Variants in OAT observed in about 807,000 individuals in gnomAD.
OAT encodes ornithine aminotransferase, mitochondrial.
Under a neutral mutation model 48.4 loss-of-function variants are expected in OAT, and 35 were observed. That is an observed-to-expected ratio of 0.72 (90% confidence interval 0.55 to 0.96). OAT has a LOEUF of 0.96. Ranked by LOEUF, OAT falls within the 40% of genes least tolerant of loss-of-function variation. OAT has a pLI of 0.00. For missense variants in OAT, 438 were observed against 537.9 expected, an observed-to-expected ratio of 0.81 and a Z score of 1.84; for synonymous variants, 182 against 198.4, an observed-to-expected ratio of 0.92 and a Z score of 0.70.
rs1951545948 is a variant in OAT, at chr10:124,405,433, T to A, written c.648+3A>T. The A allele has an allele frequency of 1.9e-6, 3 of 1,613,602 alleles. No individual in the cohort carries two copies. The highest frequency in any genetic ancestry group is 2.2e-5 in the South Asian group (2 of 91,076). On this transcript the variant is annotated splice_donor_region_variant and intron_variant, in intron 5 of 9. Transcript: ENST00000368845. The stretch of plus-strand genomic sequence containing the variant: ...GCTGAGCACTATGATGCTAGTGAAA[T>A]ACCTCCAGTGCGGGCAGATCATTAT...
chr10:124,407,455 T>G, intron 4 of OAT: 1 of 985,398 alleles, frequency 1.0e-6, no homozygotes, highest in Non-Finnish European at 1.2e-6. Context: ...CATTTTTGTT[T>G]GCAAGAGACA....
At chr10:124,408,311 G>GTATATATA (rs1564735776) in intron 4 of OAT, among the ~76,000 whole-genome samples, 2 of 61,606 alleles carry the variant, frequency 3.2e-5, no homozygotes, top group Admixed American at 1.8e-4. Context: ...GTGTGTGTGT[G>GTATATATA]TGTGTGTATA....
chr10:124,417,232 T>A (rs1260138764), intron 1 of OAT, among the ~76,000 whole-genome samples: 1 of 147,444 alleles, frequency 6.8e-6, no homozygotes, highest in African/African-American at 2.5e-5. Context: ...GGGGGGGGGA[T>A]GCAAAACTAA....
At chr10:124,400,614 G>A (rs547780552) in intron 9 of OAT, among the ~76,000 whole-genome samples, 32 of 152,184 alleles carry the variant, frequency 2.1e-4, no homozygotes, top group Admixed American at 9.8e-4. Flanking sequence ...TTAGCTGGGC[G>A]TGGTGACAGG....
chr10:124,412,111 A>G lies in OAT; in HGVS notation c.61T>C (p.Ser21Pro). 1 of 1,614,218 alleles carries G rather than the reference A, an allele frequency of 6.2e-7. No homozygotes were observed. Among genetic ancestry groups the G allele is most frequent in the Non-Finnish European group, 8.5e-7 (1 of 1,180,036 alleles). The change falls in exon 2 of 10, where the codon TCA becomes CCA. Residue 21 changes from serine to proline, a missense_variant. By Grantham distance (74) the Ser-to-Pro change is moderately conservative (BLOSUM62 -1). Transcript: ENST00000368845. ...GCAACAGATGTAGCAGAAGCCACTG[A>G]AGAATGAACTCCGCGACTAAGTACA... Reference protein sequence around the residue: ...FAVLSRGVHSSVASATSVATK... With the variant: ...FAVLSRGVHSPVASATSVATK...
chr10:124,412,107 A>C lies in OAT; in HGVS notation c.65T>G (p.Val22Gly). 1.2e-6 allele frequency: 2 copies of C among 1,614,212 alleles called. No homozygotes were observed. Among genetic ancestry groups the C allele is most frequent in the Non-Finnish European group, 1.7e-6 (2 of 1,180,030 alleles). ...AGTTGCAACAGATGTAGCAGAAGCCACTGAAGAATGAACTCCGCGACTAAG... is the reference window on the plus strand; with the variant it reads ...AGTTGCAACAGATGTAGCAGAAGCCCCTGAAGAATGAACTCCGCGACTAAG... ...AVLSRGVHSS[V>G]ASATSVATKK... Residue 22 changes from valine (V) to glycine (G), a missense_variant, in exon 2 of 10, where the codon GTG becomes GGG. By Grantham distance (109) the Val-to-Gly change is moderately radical. Transcript: ENST00000368845.
At chr10:124,417,413 T>C (rs1177166512) in intron 1 of OAT, among the ~76,000 whole-genome samples, 1 of 149,746 alleles carries the variant, frequency 6.7e-6, no homozygotes, top group Non-Finnish European at 1.5e-5. Flanking sequence ...GCCTCCCGAG[T>C]AGCTGGGATT....
intron 4 of OAT, among the ~76,000 whole-genome samples, chr10:124,408,160 T>A (rs1293534592): frequency 6.6e-6 from 1 of 151,926 alleles, no homozygotes; most frequent in Admixed American, 6.6e-5. Context: ...CCCTCATAAA[T>A]TTTTATGAAA....
Position 124,408,963 on chromosome 10 carries a change from T to TA in OAT, c.201dup (p.Ile68TyrfsTer13), listed in dbSNP as rs1328565246. ...CTGCCTTCTACATCCCATAAGTAAA[T>TA]ACCTAAAATACATAAGAAAGGAAAA... On this transcript the variant is annotated frameshift_variant and splice_region_variant, in exon 3 of 10. Coordinates refer to ENST00000368845, the MANE Select transcript of OAT (RefSeq NM_000274.4). LOFTEE classifies it high-confidence loss of function. 6.2e-7 allele frequency: 1 copy of TA among 1,605,864 alleles called. No individual in the cohort carries two copies. Among genetic ancestry groups the TA allele is most frequent in the Non-Finnish European group, 8.5e-7 (1 of 1,172,670 alleles).
chr10:124,412,977 C>T (rs1951803871), intron 1 of OAT, among the ~76,000 whole-genome samples: 1 of 152,140 alleles, frequency 6.6e-6, no homozygotes, highest in Admixed American at 6.5e-5. Context: ...TCAGAGAAGA[C>T]TGCCAGAGAC....
intron 4 of OAT, 174 bp from the exon 5 acceptor site, chr10:124,405,737 C>T (rs1014847482): frequency 7.0e-7 from 1 of 1,435,150 alleles, no homozygotes; most frequent in Non-Finnish European, 9.2e-7. Context: ...AACACCATGG[C>T]TCCTATGACA....
chr10:124,411,932 G>T (rs1564739545), intron 2 of OAT, 41 bp downstream of exon 2: 2 of 1,586,930 alleles, frequency 1.3e-6, no homozygotes, highest in East Asian at 4.5e-5. Flanking sequence ...TTTATAAAAG[G>T]TTTCAAGAAA....
rs1951997128 is a variant in OAT at position 124,418,666 on chromosome 10, G to A, written c.-30+207C>T. On this transcript the variant is annotated intron_variant, in intron 1 of 9. Transcript: ENST00000368845. The stretch of plus-strand genomic sequence containing the variant: ...AGCTGCGCGCCGGCCGGAGACTCCA[G>A]GGCGCCCGGGTCCGAGCCGCCCGCA... Among the ~76,000 whole-genome samples, 3 of 151,224 alleles carry A rather than the reference G, an allele frequency of 2.0e-5. 1 individual carries two copies. The South Asian group carries it at 6.2e-4, about 31-fold the overall frequency.
rs1335588771 is a variant in OAT at position 124,401,776 on chromosome 10, T to C, written c.964A>G (p.Thr322Ala). ...CAGCCTAGTGGATTGCCACCGTATG[T>C]GGACCCATGCTCCCCTGGCTTAATG... ...LTIKPGEHGS[T>A]YGGNPLGCRV... is the part of the protein sequence containing the mutation. The change falls in exon 8 of 10, where the codon ACA (threonine) becomes GCA (alanine). Residue 322 changes from threonine to alanine, a missense_variant. By Grantham distance (58) the Thr-to-Ala change is moderately conservative (BLOSUM62 0). Transcript: ENST00000368845. 1 of 1,613,430 alleles carries C rather than the reference T, an allele frequency of 6.2e-7. No individual in the cohort carries two copies. The highest frequency in any genetic ancestry group is 1.3e-5 in the African/African-American group (1 of 75,068).
rs1300440559 is a variant in OAT at position 124,408,333 on chromosome 10, ATATATATATATT to A, written c.520+197_520+208del. Among the ~76,000 whole-genome samples the A allele has an allele frequency of 1.1e-3, 105 of 94,480 alleles. 1 individual carries two copies. The highest frequency in any genetic ancestry group is 3.2e-3 in the Admixed American group (24 of 7,568). 62.0% of individuals were successfully genotyped at this position (94,480 alleles called of 152,430 possible). A position where few individuals can be genotyped will look rare whatever the true frequency, so the allele number is the denominator to read the frequency against. ...TGTGTGTGTGTATATATATATATAT[ATATATATATATT>A]TTTTTTTTTTTTTTTTAAATAGAGA... On this transcript the variant is annotated intron_variant, in intron 4 of 9. Transcript: ENST00000368845.
Position 124,397,886 on chromosome 10 carries a change from C to T in OAT, c.*56G>A. The T allele has an allele frequency of 9.3e-6, 15 of 1,607,952 alleles. No homozygotes were observed. Among genetic ancestry groups the T allele is most frequent in the East Asian group, 2.2e-5 (1 of 44,832 alleles). ...GCCCACATTAGGAATAAAGCTTTTA[C>T]AGGACCACCTGTCTCCAGCTGGCTC... On this transcript the variant is annotated 3_prime_UTR_variant, in exon 10 of 10. Coordinates refer to ENST00000368845, the MANE Select transcript of OAT (RefSeq NM_000274.4).
At chr10:124,399,338 CTTTTTTTT>C (rs937720307) in intron 9 of OAT, among the ~76,000 whole-genome samples, 1 of 58,764 alleles carries the variant, frequency 1.7e-5, no homozygotes, top group Non-Finnish European at 3.0e-5. Context: ...CCAGGTGATT[CTTTTTTTT>C]TTTTTTTTTT....
intron 4 of OAT, chr10:124,407,285 C>A (rs1229786800): frequency 1.0e-6 from 1 of 985,500 alleles, no homozygotes; most frequent in Non-Finnish European, 1.2e-6. Context: ...ACTTACCCTG[C>A]AGGTATAAGG....
chr10:124,417,551 C>T (rs1951958495), intron 1 of OAT, among the ~76,000 whole-genome samples: 1 of 152,128 alleles, frequency 6.6e-6, no homozygotes, highest in Admixed American at 6.5e-5. Context: ...TCCCATAATA[C>T]TGGGATTACA....
Sources: gnomAD v4.1 joint callset for allele counts (sites outside exome capture counted in the v4.1 genomes callset) on GRCh38, gnomAD v4.1.1 for gene constraint, MANE v1.5 for transcripts, NCBI Gene and HGNC (gene_info 2026-07-23, HGNC 2026-07-21) for gene names.